SLMAP: variants seen among roughly 807,000 people sequenced by gnomAD.
The protein encoded by SLMAP is sarcolemma associated protein.
SLMAP carries 44 observed loss-of-function variants against 128.8 expected under a neutral mutation model. The ratio of observed to expected loss-of-function variants is 0.34; its 90% confidence interval spans 0.27 to 0.44. SLMAP has a LOEUF of 0.44. Ranked by LOEUF, SLMAP falls within the 20% of genes least tolerant of loss-of-function variation. The pLI, the probability that SLMAP is intolerant of heterozygous loss-of-function variation, is 1.00. For synonymous variants in SLMAP, 327 were observed against 348.8 expected (o/e 0.94, Z 0.70); for missense variants, 787 against 985.3 (o/e 0.80, Z 2.69).
chr3:57,909,082 T>C lies in SLMAP; in HGVS notation c.1631T>C (p.Leu544Ser). The change falls in exon 19 of 25, where the codon TTG becomes TCG. Residue 544 changes from leucine to serine, a missense_variant. Leu to Ser is a moderately radical substitution (Grantham distance 145, BLOSUM62 -2). Around this residue, in one of 2 missense-constraint regions of SLMAP, gnomAD observed 715 missense variants for 843.6 expected, o/e 0.85. Transcript: ENST00000671191. ...ACTGTGTTTTTACTTTTAGCTCTTT[T>C]GGAAGAAGAAAGAAAAGCCTATCGA... is the stretch of plus-strand genomic sequence containing the variant. ...KQKCFELQAL[L>S]EEERKAYRNQ... 6.2e-7 allele frequency: 1 copy of C among 1,607,148 alleles called. No homozygotes were observed. The highest frequency in any genetic ancestry group is 1.1e-5 in the South Asian group (1 of 90,366).
chr3:57,785,828 T>C (rs184166819), intron 2 of SLMAP, among the ~76,000 whole-genome samples: 7 of 152,308 alleles, frequency 4.6e-5, no homozygotes, highest in Admixed American at 4.6e-4. Context: ...ATGAAATCTC[T>C]TCACCTGTTC....
chr3:57,906,755 G>T (rs1371802663), intron 17 of SLMAP, among the ~76,000 whole-genome samples: 1 of 148,568 alleles, frequency 6.7e-6, no homozygotes, highest in African/African-American at 2.5e-5. Context: ...GCTCTTTTTT[G>T]ATGAATTGAA....
Position 57,853,958 on chromosome 3 carries a change from TATATATA to T in SLMAP, c.520-3774_520-3768del, listed in dbSNP as rs2094611133. 2.2e-3 allele frequency among the ~76,000 whole-genome samples: 113 copies of T among 51,842 alleles called. 2 individuals are homozygous for T. The highest frequency in any genetic ancestry group is 0.018 in the East Asian group (26 of 1,410). The allele number at this position is 51,842 out of a possible 152,430, so 34.0% of individuals were successfully genotyped here. On this transcript the variant is annotated intron_variant, in intron 6 of 24. Coordinates refer to ENST00000671191, the MANE Select transcript of SLMAP (RefSeq NM_001377540.1). ...TTCTGTCTCAAAAAAAAAAAAATTA[TATATATA>T]TATATATATATATATATATATATAT...
rs1188772033 is a variant in SLMAP at position 57,913,212 on chromosome 3, C to T, written c.2075C>T (p.Ser692Phe). The T allele has an allele frequency of 1.2e-6, 2 of 1,601,166 alleles. No individual in the cohort carries two copies. Among genetic ancestry groups the T allele is most frequent in the Non-Finnish European group, 8.5e-7 (1 of 1,171,054 alleles). Residue 692 changes from serine to phenylalanine, a missense_variant, in exon 21 of 25, where the codon TCT becomes TTT. Physicochemically the swap from Ser to Phe is radical, Grantham distance 155. Transcript: ENST00000671191. ...EWNALETECH[S>F]LKRENVLLSS... ...AATGCATTGGAAACCGAATGCCATT[C>T]TCTAAAAAGGGAAAATGTTTTGCTA...
At chr3:57,865,747 T>C (rs1013856757) in intron 13 of SLMAP, among the ~76,000 whole-genome samples, 4 of 152,192 alleles carry the variant, frequency 2.6e-5, no homozygotes, top group African/African-American at 9.7e-5. Context: ...ACAGGGTCAG[T>C]TTTTTCTGCC....
chr3:57,825,359 G>A lies in SLMAP; in HGVS notation c.199-6024G>A, dbSNP rs984357766. 1.1e-4 allele frequency among the ~76,000 whole-genome samples: 16 copies of A among 151,818 alleles called. 2 individuals are homozygous for A. Among genetic ancestry groups the A allele is most frequent in the Admixed American group, 9.8e-4 (15 of 15,232 alleles). On this transcript the variant is annotated intron_variant, in intron 2 of 24. Transcript: ENST00000671191. ...TCAGTCTTTTACTATTGAGTATTAT[G>A]TTAGCTGTTGGTTTTTTATAAATGC...
intron 4 of SLMAP, among the ~76,000 whole-genome samples, chr3:57,841,874 C>T (rs765149728): frequency 2.0e-5 from 3 of 151,990 alleles, no homozygotes; most frequent in Non-Finnish European, 4.4e-5. Flanking sequence ...GTGTAAAGGT[C>T]ATTTAGAGGC....
At position 57,831,543 on chromosome 3, in the gene SLMAP, A is replaced by T. The variant is rs1411092221; in HGVS notation, c.346+13A>T. On this transcript the variant is annotated intron_variant, in intron 3 of 24. Transcript: ENST00000671191. ...AATACACGGAAAGGTACGGGTATGG[A>T]TCACTTTTTTTATTACTTGTCTTTT... 1.4e-6 allele frequency: 2 copies of T among 1,462,512 alleles called. No homozygotes were observed. The highest frequency in any genetic ancestry group is 1.8e-6 in the Non-Finnish European group (2 of 1,098,880). The allele number at this position is 1,462,512 out of a possible 1,614,324, so 90.6% of individuals were successfully genotyped here.
intron 2 of SLMAP, among the ~76,000 whole-genome samples, chr3:57,791,555 G>T (rs1162735303): frequency 2.6e-5 from 4 of 151,906 alleles, no homozygotes; most frequent in Non-Finnish European, 2.9e-5. Flanking sequence ...TCAGGGTCTT[G>T]AAAAACAGTT....
intron 17 of SLMAP, among the ~76,000 whole-genome samples, chr3:57,903,037 G>A (rs933935289): frequency 2.6e-5 from 4 of 152,130 alleles, no homozygotes; most frequent in African/African-American, 9.7e-5. Flanking sequence ...TACACAAGAA[G>A]GCTATAGACA....
intron 2 of SLMAP, among the ~76,000 whole-genome samples, chr3:57,810,104 C>T (rs763120988): frequency 6.6e-6 from 1 of 152,170 alleles, no homozygotes; most frequent in South Asian, 2.1e-4. Flanking sequence ...AGGCTCCAAG[C>T]TTCCAGGTGC....
intron 2 of SLMAP, among the ~76,000 whole-genome samples, chr3:57,771,167 C>CCCTCT (rs2080788852): frequency 6.9e-6 from 1 of 145,134 alleles, no homozygotes; most frequent in Non-Finnish European, 1.5e-5. Flanking sequence ...CCCTCCCCTC[C>CCCTCT]CCTCCCCTCC....
chr3:57,791,025 G>T (rs1017117122), intron 2 of SLMAP, among the ~76,000 whole-genome samples: 14 of 152,202 alleles, frequency 9.2e-5, no homozygotes, highest in African/African-American at 3.4e-4. Flanking sequence ...GGCTTTTTAT[G>T]AGTTTTAGCC....
chr3:57,787,735 CAA>C, intron 2 of SLMAP, among the ~76,000 whole-genome samples: 1 of 152,290 alleles, frequency 6.6e-6, no homozygotes, highest in East Asian at 1.9e-4. Context: ...CTCAGCCTCC[CAA>C]AAGTGCTGAG....
intron 2 of SLMAP, among the ~76,000 whole-genome samples, chr3:57,781,621 T>C (rs1317276764): frequency 6.6e-6 from 1 of 152,136 alleles, no homozygotes; most frequent in Non-Finnish European, 1.5e-5. Context: ...GGAGACTGTG[T>C]TGATATGAAA....
intron 8 of SLMAP, 107 bp downstream of exon 8, chr3:57,858,266 C>A: frequency 1.4e-6 from 1 of 697,610 alleles, no homozygotes. Context: ...TACATTTCCA[C>A]AATTCTTTTA....
At chr3:57,835,122 A>C (rs924731466) in intron 3 of SLMAP, among the ~76,000 whole-genome samples, 353 of 4,314 alleles carry the variant, frequency 0.082, no homozygotes, top group Middle Eastern at 0.2. Flanking sequence ...ACCCTGTCTC[A>C]AAAAAAAAAA....
intron 2 of SLMAP, among the ~76,000 whole-genome samples, chr3:57,790,391 A>G (rs1007205121): frequency 6.6e-6 from 1 of 152,194 alleles, no homozygotes; most frequent in Non-Finnish European, 1.5e-5. Context: ...ATGTTTTAGT[A>G]TTGATCCTGA....
At chr3:57,787,332 T>TA (rs1274809935) in intron 2 of SLMAP, among the ~76,000 whole-genome samples, 2 of 152,246 alleles carry the variant, frequency 1.3e-5, no homozygotes, top group Non-Finnish European at 2.9e-5. Flanking sequence ...TACTTTATGT[T>TA]ACCCATTAAT....
Sources: allele counts gnomAD v4.1 joint callset (sites outside exome capture counted in the v4.1 genomes callset), GRCh38; gene constraint gnomAD v4.1.1; regional missense constraint gnomAD v4.1.1; transcripts MANE v1.5; gene names NCBI Gene and HGNC (gene_info 2026-07-23, HGNC 2026-07-21).